The following CSMD1 variants were observed in gnomAD, a reference collection of about 807,000 sequenced individuals.
CSMD1 encodes the protein CUB and sushi domain-containing protein 1.
CSMD1 carries 213 observed loss-of-function variants against 417.5 expected under a neutral mutation model. The observed-to-expected ratio is 0.51, with a 90% CI of 0.46 to 0.57. The LOEUF is 0.57. Among genes scored for constraint, CSMD1 ranks in the 20% least tolerant of loss-of-function variants. CSMD1 has a pLI of 0.00. For synonymous variants in CSMD1, 2,862 were observed against 1,736.8 expected, an observed-to-expected ratio of 1.65 and a Z score of -16.11; for missense variants, 6,923 against 4,529.7, an observed-to-expected ratio of 1.53 and a Z score of -15.17.
chr8:4,691,675 C>T (rs1236858062), intron 1 of CSMD1, among the ~76,000 whole-genome samples: 3 of 152,208 alleles, frequency 2.0e-5, no homozygotes, highest in African/African-American at 7.2e-5. Flanking sequence ...GGAACATCTA[C>T]CTGCCTGCCT....
intron 3 of CSMD1, among the ~76,000 whole-genome samples, chr8:4,062,295 C>T (rs748742222): frequency 2.0e-5 from 3 of 152,046 alleles, no homozygotes; most frequent in Non-Finnish European, 4.4e-5. Flanking sequence ...CAGAATAGAG[C>T]ATGTCAACTG....
chr8:3,302,634 G>A (rs1227068039), intron 25 of CSMD1, among the ~76,000 whole-genome samples: 1 of 152,188 alleles, frequency 6.6e-6, no homozygotes, highest in East Asian at 1.9e-4. Context: ...GTCTGAGAAT[G>A]CACTGAATAG....
chr8:3,431,195 T>A (rs554093071), intron 12 of CSMD1, among the ~76,000 whole-genome samples: 1 of 152,112 alleles, frequency 6.6e-6, no homozygotes, highest in Non-Finnish European at 1.5e-5. Flanking sequence ...AGATTAGGAT[T>A]TCCCAGTTCC....
intron 11 of CSMD1, among the ~76,000 whole-genome samples, chr8:3,483,188 C>T (rs547535177): frequency 3.3e-5 from 5 of 151,498 alleles, no homozygotes; most frequent in Non-Finnish European, 4.4e-5. Flanking sequence ...TATTCTCTTT[C>T]AAAAATAATA....
At chr8:4,092,713 T>C (rs1273362126) in intron 3 of CSMD1, among the ~76,000 whole-genome samples, 2 of 152,202 alleles carry the variant, frequency 1.3e-5, no homozygotes, top group African/African-American at 4.8e-5. Flanking sequence ...ATTTTTGAAA[T>C]AATTTTGACA....
At chr8:2,976,711 C>A (rs1424732457) in intron 55 of CSMD1, among the ~76,000 whole-genome samples, 1 of 152,156 alleles carries the variant, frequency 6.6e-6, no homozygotes, top group African/African-American at 2.4e-5. Flanking sequence ...TTAAGGATTG[C>A]TTTGCTTCTG....
At chr8:3,188,456 A>G (rs1796218343) in intron 35 of CSMD1, among the ~76,000 whole-genome samples, 1 of 151,328 alleles carries the variant, frequency 6.6e-6, no homozygotes, top group South Asian at 2.1e-4. Context: ...ACAGGCGTAT[A>G]CTACCATGCC....
At chr8:4,298,719 T>C (rs1797817237) in intron 3 of CSMD1, among the ~76,000 whole-genome samples, 5 of 152,134 alleles carry the variant, frequency 3.3e-5, no homozygotes, top group Admixed American at 1.3e-4. Flanking sequence ...ATCAAGTATT[T>C]TCTTCCAACT....
At chr8:3,191,929 G>A (rs558197217) in intron 33 of CSMD1, among the ~76,000 whole-genome samples, 4 of 152,178 alleles carry the variant, frequency 2.6e-5, no homozygotes, top group South Asian at 4.2e-4. Context: ...GAATGTTCTC[G>A]TATATGAATT....
intron 6 of CSMD1, among the ~76,000 whole-genome samples, chr8:3,721,951 C>A (rs952451467): frequency 6.6e-6 from 1 of 152,112 alleles, no homozygotes; most frequent in African/African-American, 2.4e-5. Flanking sequence ...CACCCAAGGC[C>A]GTCCTCATCC....
intron 11 of CSMD1, among the ~76,000 whole-genome samples, chr8:3,476,225 C>A (rs2117220562): frequency 6.6e-6 from 1 of 152,302 alleles, no homozygotes; most frequent in African/African-American, 2.4e-5. Context: ...TAACACCTAT[C>A]TCTGACTCTG....
At position 3,703,946 on chromosome 8, in the gene CSMD1, C is replaced by G. The variant is rs144759277; in HGVS notation, c.1009+4468G>C. Among the ~76,000 whole-genome samples, 736 of 152,148 alleles carry G rather than the reference C, an allele frequency of 4.8e-3. 10 individuals are homozygous for G. Among genetic ancestry groups the G allele is most frequent in the African/African-American group, 0.017 (700 of 41,520 alleles). On this transcript the variant is annotated intron_variant, in intron 7 of 69. Coordinates refer to ENST00000635120, the MANE Select transcript of CSMD1 (RefSeq NM_033225.6). ...ATTAGTCGGACATGGTGGCACACAC[C>G]TGTACTCCCTGCTATTTGGGAGGCT... is the stretch of plus-strand genomic sequence containing the variant.
At chr8:3,782,745 T>C (rs1052682373) in intron 5 of CSMD1, among the ~76,000 whole-genome samples, 1 of 152,208 alleles carries the variant, frequency 6.6e-6, no homozygotes, top group African/African-American at 2.4e-5. Context: ...TACTGAATTA[T>C]AAGAACAGTA....
intron 4 of CSMD1, among the ~76,000 whole-genome samples, chr8:4,023,030 G>A (rs1796868094): frequency 6.6e-6 from 1 of 152,180 alleles, no homozygotes; most frequent in Non-Finnish European, 1.5e-5. Flanking sequence ...TCTTCTTCCT[G>A]AGCTCACAGA....
At chr8:3,140,219 G>A (rs1350750250) in intron 41 of CSMD1, among the ~76,000 whole-genome samples, 1 of 152,136 alleles carries the variant, frequency 6.6e-6, no homozygotes, top group African/African-American at 2.4e-5. Context: ...TTACCCTTAA[G>A]TAGGAGGTAC....
At chr8:2,959,849 T>C (rs1457153408) in intron 62 of CSMD1, among the ~76,000 whole-genome samples, 1 of 152,248 alleles carries the variant, frequency 6.6e-6, no homozygotes, top group African/African-American at 2.4e-5. Context: ...GAGCTGCATT[T>C]CATGGTCTCA....
At chr8:4,343,571 G>C (rs570363069) in intron 3 of CSMD1, among the ~76,000 whole-genome samples, 16 of 152,196 alleles carry the variant, frequency 1.1e-4, no homozygotes, top group Non-Finnish European at 2.1e-4. Context: ...TATCAATAGA[G>C]CTGGAATAAA....
intron 3 of CSMD1, among the ~76,000 whole-genome samples, chr8:4,196,324 T>C (rs1043062726): frequency 6.6e-6 from 1 of 152,224 alleles, no homozygotes; most frequent in Non-Finnish European, 1.5e-5. Context: ...CGTACATTAC[T>C]ACAAATAGAG....
chr8:4,491,657 T>C (rs909835659), intron 2 of CSMD1, among the ~76,000 whole-genome samples: 2 of 152,104 alleles, frequency 1.3e-5, no homozygotes, highest in Non-Finnish European at 2.9e-5. Context: ...CCTCATGTCC[T>C]TAGAACATGA....
Sources: allele counts gnomAD v4.1 joint callset (sites outside exome capture counted in the v4.1 genomes callset), GRCh38; gene constraint gnomAD v4.1.1; transcripts MANE v1.5; gene names NCBI Gene and HGNC (gene_info 2026-07-23, HGNC 2026-07-21).